Variants in HEATR5A observed in about 807,000 individuals in gnomAD.
HEATR5A encodes HEAT repeat-containing protein 5A.
Under a neutral mutation model 218.8 loss-of-function variants are expected in HEATR5A, and 178 were observed. That is an observed-to-expected ratio of 0.81 (90% CI 0.72 to 0.92). HEATR5A has a LOEUF of 0.92. Among genes scored for constraint, HEATR5A ranks in the 40% least tolerant of loss-of-function variants. HEATR5A has a pLI of 0.00. For synonymous variants in HEATR5A, 864 were observed against 871.6 expected (o/e 0.99, Z 0.15); for missense variants, 2,420 against 2,418.9 (o/e 1.00, Z -0.01).
intron 34 of HEATR5A, 59 bp from the exon 35 acceptor site, chr14:31,294,163 G>C: frequency 8.9e-7 from 1 of 1,126,842 alleles, no homozygotes; most frequent in Non-Finnish European, 1.3e-6. Flanking sequence ...AAAAGTCCCT[G>C]AGGACTCTTT....
At chr14:31,400,698 T>A (rs1214699611) in intron 2 of HEATR5A, among the ~76,000 whole-genome samples, 186 bp from the exon 3 acceptor site, 1 of 148,606 alleles carries the variant, frequency 6.7e-6, no homozygotes, top group Admixed American at 6.6e-5. Context: ...GGTAGTTTGC[T>A]GCCCTGCTAA....
Position 31,315,877 on chromosome 14 carries a change from C to G in HEATR5A, c.4111G>C (p.Val1371Leu), listed in dbSNP as rs764039238. ...GCCTGTATTTTAGTTAACGATGAAA[C>G]AAGCAACTGATGAACTCTTCGGAGA... ...NDLRRVHQLL[V>L]SSLTKIQAGK... Residue 1371 changes from valine (V) to leucine (L), a missense_variant, in exon 27 of 36, where the codon GTT becomes CTT. Coordinates refer to ENST00000543095, the MANE Select transcript of HEATR5A (RefSeq NM_015473.4). 4 of 1,602,426 alleles carry G rather than the reference C, an allele frequency of 2.5e-6. No individual in the cohort carries two copies. The highest frequency in any genetic ancestry group is 3.4e-6 in the Non-Finnish European group (4 of 1,174,012).
chr14:31,371,664 C>A, intron 13 of HEATR5A, 146 bp downstream of exon 13: 2 of 432,300 alleles, frequency 4.6e-6, no homozygotes, highest in South Asian at 1.2e-4. Flanking sequence ...CTTTCAAGAT[C>A]CTAGCCTAAA....
intron 1 of HEATR5A, among the ~76,000 whole-genome samples, chr14:31,417,211 C>T (rs538647965): frequency 1.2e-3 from 177 of 152,130 alleles, no homozygotes; most frequent in Middle Eastern, 6.8e-3. Flanking sequence ...TAAATTAAAA[C>T]TTAACACAGT....
Position 31,315,939 on chromosome 14 carries a change from G to A in HEATR5A, c.4049C>T (p.Ala1350Val). ...VTAKACQVCS[A>V]WIASGVVSDL... ...ACTTACAACTCCACTTGCTATCCAGGCACTGCAAACCTAGTTTTCAAGAAA... is the reference window on the plus strand; with the variant it reads ...ACTTACAACTCCACTTGCTATCCAGACACTGCAAACCTAGTTTTCAAGAAA... The change falls in exon 27 of 36, where the codon GCC becomes GTC. Residue 1350 changes from alanine (A) to valine (V), a missense_variant. Coordinates refer to ENST00000543095, the MANE Select transcript of HEATR5A (RefSeq NM_015473.4). 6.5e-7 allele frequency: 1 copy of A among 1,548,068 alleles called. No individual in the cohort carries two copies. The highest frequency in any genetic ancestry group is 8.7e-7 in the Non-Finnish European group (1 of 1,146,006).
Position 31,387,115 on chromosome 14 carries a change from C to T in HEATR5A, c.1189+5G>A, listed in dbSNP as rs751006522. ...TAAACAAACTGTCTTAGTAGAGATC[C>T]ATACCCATAACTTTCTTTAGCTTCC... is the stretch of plus-strand genomic sequence containing the variant. On this transcript the variant is annotated splice_donor_5th_base_variant and intron_variant, in intron 8 of 35. Coordinates refer to ENST00000543095, the MANE Select transcript of HEATR5A (RefSeq NM_015473.4). The T allele has an allele frequency of 6.2e-7, 1 of 1,613,820 alleles. No individual in the cohort carries two copies. The highest frequency in any genetic ancestry group is 8.5e-7 in the Non-Finnish European group (1 of 1,179,810).
At chr14:31,352,818 C>T (rs905281301) in intron 16 of HEATR5A, among the ~76,000 whole-genome samples, 1 of 151,864 alleles carries the variant, frequency 6.6e-6, no homozygotes, top group Non-Finnish European at 1.5e-5. Context: ...ACTAGCCAGG[C>T]GTGGTGGCAT....
chr14:31,386,637 G>C, intron 8 of HEATR5A, 62 bp from the exon 9 acceptor site: 1 of 1,452,860 alleles, frequency 6.9e-7, no homozygotes, highest in East Asian at 2.4e-5. Flanking sequence ...TGAAAAGGGT[G>C]TGAAGAGTAA....
At chr14:31,336,742 C>A (rs1335985265) in intron 22 of HEATR5A, among the ~76,000 whole-genome samples, 1 of 152,126 alleles carries the variant, frequency 6.6e-6, no homozygotes, top group Admixed American at 6.6e-5. Flanking sequence ...TATTTAAGGG[C>A]TAATCCCATT....
intron 1 of HEATR5A, among the ~76,000 whole-genome samples, chr14:31,415,411 A>G (rs1405502767): frequency 6.6e-6 from 1 of 152,206 alleles, no homozygotes; most frequent in Non-Finnish European, 1.5e-5. Context: ...AATTGTCTGG[A>G]GCAGCACTCT....
At position 31,383,749 on chromosome 14, in the gene HEATR5A, T is replaced by C. The variant is rs752375094; in HGVS notation, c.1368A>G (p.Ser456=). The C allele has an allele frequency of 1.2e-6, 2 of 1,613,378 alleles. No homozygotes were observed. Among genetic ancestry groups the C allele is most frequent in the Admixed American group, 1.7e-5 (1 of 59,976 alleles). ...CAGAAATGCTAGGATGAAGAATAACTGACAAGATACTGTCAAGGAGACCTG... is the reference window on the plus strand; with the variant it reads ...CAGAAATGCTAGGATGAAGAATAACCGACAAGATACTGTCAAGGAGACCTG... The part of the protein sequence containing the change: ...SSTGLLDSIL[S]VILHPSISVR... Residue 456 remains serine, a synonymous_variant, in exon 10 of 36, where the codon TCA becomes TCG. Coordinates refer to ENST00000543095, the MANE Select transcript of HEATR5A (RefSeq NM_015473.4).
chr14:31,378,033 A>G (rs1306086469), intron 11 of HEATR5A, among the ~76,000 whole-genome samples: 1 of 152,212 alleles, frequency 6.6e-6, no homozygotes, highest in African/African-American at 2.4e-5. Context: ...TTTATTAGGT[A>G]GTTTATTTCC....
chr14:31,406,479 G>A (rs534923660), intron 1 of HEATR5A, among the ~76,000 whole-genome samples: 1 of 152,290 alleles, frequency 6.6e-6, no homozygotes, highest in African/African-American at 2.4e-5. Context: ...AATTGTCCAT[G>A]AAGCAGCTAT....
At chr14:31,386,062 T>A (rs1434359391) in intron 9 of HEATR5A, among the ~76,000 whole-genome samples, 1 of 152,182 alleles carries the variant, frequency 6.6e-6, no homozygotes, top group East Asian at 1.9e-4. Flanking sequence ...TATAAAGTGA[T>A]TAAACACTTA....
intron 16 of HEATR5A, among the ~76,000 whole-genome samples, chr14:31,355,170 T>C (rs987204140): frequency 6.8e-6 from 1 of 146,388 alleles, no homozygotes; most frequent in East Asian, 2.0e-4. Flanking sequence ...TCCCAGGACT[T>C]TGGGAGGCTG....
chr14:31,337,653 C>T, intron 21 of HEATR5A, 39 bp from the exon 22 acceptor site: 1 of 1,571,126 alleles, frequency 6.4e-7, no homozygotes, highest in Non-Finnish European at 8.7e-7. Context: ...AGCTAAAATT[C>T]TTGTTGGCAC....
At chr14:31,414,410 T>C (rs1198876190) in intron 1 of HEATR5A, among the ~76,000 whole-genome samples, 1 of 152,220 alleles carries the variant, frequency 6.6e-6, no homozygotes, top group Non-Finnish European at 1.5e-5. Flanking sequence ...ATTTGGATTC[T>C]AGATAGAGAA....
At chr14:31,380,167 A>G (rs887003380) in intron 11 of HEATR5A, among the ~76,000 whole-genome samples, 3 of 152,186 alleles carry the variant, frequency 2.0e-5, no homozygotes, top group Non-Finnish European at 4.4e-5. Flanking sequence ...GATGTCAATG[A>G]TTTTTGAAAA....
intron 1 of HEATR5A, among the ~76,000 whole-genome samples, chr14:31,413,993 T>C (rs1281572211): frequency 6.6e-6 from 1 of 152,242 alleles, no homozygotes; most frequent in Non-Finnish European, 1.5e-5. Flanking sequence ...GTGTTATGTC[T>C]TCCAGAGACA....
Sources: allele counts gnomAD v4.1 joint callset (sites outside exome capture counted in the v4.1 genomes callset), GRCh38; gene constraint gnomAD v4.1.1; transcripts MANE v1.5; gene names NCBI Gene and HGNC (gene_info 2026-07-23, HGNC 2026-07-21).